LRFN2: variants seen among roughly 807,000 people sequenced by gnomAD.
The protein encoded by LRFN2 is leucine-rich repeat and fibronectin type-III domain-containing protein 2.
Under a neutral mutation model 37.3 loss-of-function variants are expected in LRFN2, and 18 were observed. The observed-to-expected ratio is 0.48, with a 90% CI of 0.33 to 0.72. The LOEUF is 0.72. Among genes scored for constraint, LRFN2 ranks in the 30% least tolerant of loss-of-function variants. The probability of loss-of-function intolerance (pLI) is 0.02; values close to 1 mark genes in which losing one functional copy is unlikely to be tolerated. For synonymous variants in LRFN2, 556 were observed against 466.6 expected (o/e 1.19, Z -2.47); for missense variants, 1,006 against 1,060.7 (o/e 0.95, Z 0.72).
intron 1 of LRFN2, among the ~76,000 whole-genome samples, chr6:40,489,097 A>G (rs1323081788): frequency 3.9e-5 from 6 of 152,136 alleles, no homozygotes; most frequent in Non-Finnish European, 8.8e-5. Flanking sequence ...TGTCTATACC[A>G]TAGGCACACA....
At chr6:40,542,909 G>A (rs896340524) in intron 1 of LRFN2, among the ~76,000 whole-genome samples, 11 of 152,190 alleles carry the variant, frequency 7.2e-5, no homozygotes, top group African/African-American at 2.7e-4. Flanking sequence ...TTCCCCAAGG[G>A]CATCTAATGC....
intron 1 of LRFN2, among the ~76,000 whole-genome samples, chr6:40,436,535 C>T (rs925752624): frequency 6.7e-6 from 1 of 149,756 alleles, no homozygotes; most frequent in Non-Finnish European, 1.5e-5. Context: ...TCATTAAAAG[C>T]CTTGGCCAAA....
intron 2 of LRFN2, among the ~76,000 whole-genome samples, chr6:40,397,974 T>C (rs1215964567): frequency 6.6e-6 from 1 of 151,944 alleles, no homozygotes; most frequent in Non-Finnish European, 1.5e-5. Context: ...CACATTGAAG[T>C]GCATGATGAT....
rs912342005 is a variant in LRFN2 at position 40,431,855 on chromosome 6, C to T, written c.1259G>A (p.Ser420Asn). Residue 420 changes from serine (S) to asparagine (N), a missense_variant, in exon 2 of 3, where the codon AGC becomes AAC. Coordinates refer to ENST00000338305, the MANE Select transcript of LRFN2 (RefSeq NM_020737.3). ...CACAAGCACAGCCCGTTCCGGGGGG[C>T]TTTTGGGAGGCTCTCCGCCCCCACT... ...GGSGGGEPPK[S>N]PPERAVLVSE... 2.5e-6 allele frequency: 4 copies of T among 1,590,072 alleles called. No individual in the cohort carries two copies. Among genetic ancestry groups the T allele is most frequent in the South Asian group, 1.2e-5 (1 of 86,584 alleles).
rs577516589 is a variant in LRFN2, at chr6:40,485,699, C to T, written c.-18-52568G>A. Among the ~76,000 whole-genome samples, 11 of 152,334 alleles carry T rather than the reference C, an allele frequency of 7.2e-5. No homozygotes were observed. In the South Asian group the frequency reaches 1.0e-3, roughly 14 times the overall value. On this transcript the variant is annotated intron_variant, in intron 1 of 2. Transcript: ENST00000338305. The stretch of plus-strand genomic sequence containing the variant: ...AACTATTAAGGTAGAGTACACCCAA[C>T]GTCTGGACTTTAAGCCCTGGAAGAA...
chr6:40,519,213 T>G (rs1765976108), intron 1 of LRFN2, among the ~76,000 whole-genome samples: 1 of 152,196 alleles, frequency 6.6e-6, no homozygotes, highest in Non-Finnish European at 1.5e-5. Context: ...ATACAATATG[T>G]GCTGAGGGAG....
intron 1 of LRFN2, among the ~76,000 whole-genome samples, chr6:40,461,502 A>C (rs370294153): frequency 6.6e-5 from 10 of 152,118 alleles, no homozygotes; most frequent in Admixed American, 5.9e-4. Context: ...ATAGCAAATA[A>C]TTTTTTGAGC....
At chr6:40,475,802 G>T (rs1581734626) in intron 1 of LRFN2, among the ~76,000 whole-genome samples, 1 of 152,126 alleles carries the variant, frequency 6.6e-6, no homozygotes, top group Non-Finnish European at 1.5e-5. Flanking sequence ...TGTGAGATGG[G>T]TCTACCCTTC....
intron 2 of LRFN2, among the ~76,000 whole-genome samples, chr6:40,411,333 G>A (rs2113805389): frequency 6.6e-6 from 1 of 152,324 alleles, no homozygotes; most frequent in South Asian, 2.1e-4. Flanking sequence ...GGGGGGCTGT[G>A]TGAGTGAGTG....
intron 1 of LRFN2, among the ~76,000 whole-genome samples, chr6:40,527,245 C>T (rs1766271123): frequency 6.6e-6 from 1 of 152,196 alleles, no homozygotes; most frequent in Non-Finnish European, 1.5e-5. Flanking sequence ...CCTCCTCTTC[C>T]AGGGCCTTCT....
intron 1 of LRFN2, among the ~76,000 whole-genome samples, chr6:40,478,600 C>G (rs1257793762): frequency 6.6e-6 from 1 of 152,184 alleles, no homozygotes; most frequent in Non-Finnish European, 1.5e-5. Flanking sequence ...ATGGTATAGA[C>G]AGCCCACCCC....
At chr6:40,411,935 T>C (rs981603217) in intron 2 of LRFN2, among the ~76,000 whole-genome samples, 2 of 152,182 alleles carry the variant, frequency 1.3e-5, no homozygotes, top group Admixed American at 1.3e-4. Context: ...TTGACCGATG[T>C]GTTCTAAACA....
At chr6:40,528,408 G>C (rs184887378) in intron 1 of LRFN2, among the ~76,000 whole-genome samples, 106 of 152,324 alleles carry the variant, frequency 7.0e-4, no homozygotes, top group Non-Finnish European at 1.4e-3. Flanking sequence ...ACATGAGGAG[G>C]AGGCTGAACC....
At position 40,437,312 on chromosome 6, in the gene LRFN2, C is replaced by T. The variant is rs892955651; in HGVS notation, c.-18-4181G>A. 4.6e-5 allele frequency among the ~76,000 whole-genome samples: 7 copies of T among 152,240 alleles called. No individual in the cohort carries two copies. The East Asian group carries it at 5.8e-4, about 13-fold the overall frequency. ...CTGTGCAATATAGATGGACTGCCTC[C>T]GCCATCCTTTGTGCCCTTCTACCCT... On this transcript the variant is annotated intron_variant, in intron 1 of 2. Coordinates refer to ENST00000338305, the MANE Select transcript of LRFN2 (RefSeq NM_020737.3).
intron 1 of LRFN2, among the ~76,000 whole-genome samples, chr6:40,502,615 T>C (rs1195437338): frequency 6.6e-6 from 1 of 152,184 alleles, no homozygotes; most frequent in Admixed American, 6.5e-5. Flanking sequence ...CACTCAACAA[T>C]TGATGAGTGT....
intron 1 of LRFN2, among the ~76,000 whole-genome samples, chr6:40,533,571 C>CA (rs1766392054): frequency 6.6e-6 from 1 of 152,144 alleles, no homozygotes; most frequent in East Asian, 1.9e-4. Context: ...AAGTGAGGTA[C>CA]AACTTCCTAG....
At chr6:40,548,202 G>A (rs9471370) in intron 1 of LRFN2, among the ~76,000 whole-genome samples, 2,317 of 152,232 alleles carry the variant, frequency 0.015, 46 homozygotes, top group African/African-American at 0.051. Flanking sequence ...CACTTTGGGA[G>A]GCCGAGGTGG....
At chr6:40,516,923 C>T (rs1765895306) in intron 1 of LRFN2, among the ~76,000 whole-genome samples, 1 of 152,148 alleles carries the variant, frequency 6.6e-6, no homozygotes, top group Non-Finnish European at 1.5e-5. Flanking sequence ...CTCTCCATTC[C>T]TTCCATAGCT....
At position 40,438,485 on chromosome 6, in the gene LRFN2, C is replaced by T. The variant is rs566902451; in HGVS notation, c.-18-5354G>A. On this transcript the variant is annotated intron_variant, in intron 1 of 2. Transcript: ENST00000338305. ...AATATTGTCATCCCCATTTTAGCTA[C>T]TAGGAAGTGAGGTTAAAAGAGGTTT... Among the ~76,000 whole-genome samples, 64 of 152,312 alleles carry T rather than the reference C, an allele frequency of 4.2e-4. 1 individual carries two copies.
Sources: gnomAD v4.1 joint callset for allele counts (sites outside exome capture counted in the v4.1 genomes callset) on GRCh38, gnomAD v4.1.1 for gene constraint, MANE v1.5 for transcripts, NCBI Gene and HGNC (gene_info 2026-07-23, HGNC 2026-07-21) for gene names.